The following DNAJC6 variants were observed in gnomAD, a reference collection of about 807,000 sequenced individuals.
The protein encoded by DNAJC6 is DnaJ heat shock protein family (Hsp40) member C6, also known as auxilin.
A neutral mutation model predicts 110.0 loss-of-function variants in DNAJC6; 34 were observed. The ratio of observed to expected loss-of-function variants is 0.31; its 90% CI spans 0.24 to 0.41. The LOEUF is 0.41. Ranked by LOEUF, DNAJC6 falls within the 10% of genes least tolerant of loss-of-function variation. The pLI, the probability that DNAJC6 is intolerant of heterozygous loss-of-function variation, is 1.00. For missense variants in DNAJC6, 1,031 were observed against 1,207.8 expected (o/e 0.85, Z 2.17); for synonymous variants, 406 against 437.2 (o/e 0.93, Z 0.89).
chr1:65,312,498 C>A (rs964886974), intron 1 of DNAJC6, among the ~76,000 whole-genome samples: 4 of 152,198 alleles, frequency 2.6e-5, no homozygotes, highest in Admixed American at 2.6e-4. Flanking sequence ...TGGCAGTAAT[C>A]TGCCCATTTA....
chr1:65,335,201 G>A (rs1645324138), intron 1 of DNAJC6, among the ~76,000 whole-genome samples: 1 of 151,804 alleles, frequency 6.6e-6, no homozygotes, highest in African/African-American at 2.4e-5. Flanking sequence ...TCCACCTCGC[G>A]GGTTCAAGAT....
At position 65,335,474 on chromosome 1, in the gene DNAJC6, C is replaced by T. The variant is rs912157905; in HGVS notation, c.193+25536C>T. On this transcript the variant is annotated intron_variant, in intron 1 of 18. Transcript: ENST00000371069. ...GATAGAGACAGAAAAAATAAAAACC[C>T]TCAAGATAAAAAGAGCCGTGAAGAA... 2.7e-4 allele frequency among the ~76,000 whole-genome samples: 41 copies of T among 151,978 alleles called. 1 individual carries two copies. In the South Asian group the frequency reaches 2.9e-3, roughly 11 times the overall value.
At chr1:65,408,943 AT>A (rs66951816) in intron 17 of DNAJC6, among the ~76,000 whole-genome samples, 160 bp downstream of exon 17, 5 of 150,822 alleles carry the variant, frequency 3.3e-5, no homozygotes, top group South Asian at 2.1e-4. Context: ...AAACAACAGG[AT>A]TTTTTTTTTC....
chr1:65,378,339 C>T (rs1341015960), intron 4 of DNAJC6, among the ~76,000 whole-genome samples: 1 of 152,074 alleles, frequency 6.6e-6, no homozygotes, highest in Non-Finnish European at 1.5e-5. Flanking sequence ...TGAAGGACTT[C>T]ATTTTTTTCA....
At chr1:65,397,810 TTTAAC>T (rs1256336655) in intron 13 of DNAJC6, among the ~76,000 whole-genome samples, 1 of 152,184 alleles carries the variant, frequency 6.6e-6, no homozygotes. Context: ...GCATATCCTT[TTTAAC>T]TTAATGATGG....
intron 1 of DNAJC6, among the ~76,000 whole-genome samples, chr1:65,278,033 A>G (rs564035619): frequency 9.2e-5 from 14 of 152,330 alleles, no homozygotes; most frequent in Non-Finnish European, 1.5e-4. Flanking sequence ...AGAAAAAAGT[A>G]TTTTTTAAAA....
At chr1:65,374,405 T>TC (rs1645739504) in intron 4 of DNAJC6, among the ~76,000 whole-genome samples, 1 of 152,330 alleles carries the variant, frequency 6.6e-6, no homozygotes, top group East Asian at 1.9e-4. Flanking sequence ...TTTCTTCTAA[T>TC]CCATGAGCAT....
chr1:65,277,361 A>G (rs1470940062), intron 1 of DNAJC6, among the ~76,000 whole-genome samples: 2 of 152,158 alleles, frequency 1.3e-5, no homozygotes, highest in Admixed American at 6.6e-5. Flanking sequence ...TGTGTACTAA[A>G]AGACTATAAT....
At chr1:65,371,659 T>G (rs1382979874) in intron 4 of DNAJC6, among the ~76,000 whole-genome samples, 1 of 152,152 alleles carries the variant, frequency 6.6e-6, no homozygotes, top group Admixed American at 6.6e-5. Flanking sequence ...CAAGGGATGA[T>G]GGAGAGATGA....
rs1645781589 is a variant in DNAJC6 at position 65,377,924 on chromosome 1, A to T, written c.544-1478A>T. ...TTCTGCAGAATTCCGTATCTCAGGA[A>T]ATAGCACTTCTTGTATCCTTCTATC... is the stretch of plus-strand genomic sequence containing the variant. On this transcript the variant is annotated intron_variant, in intron 4 of 18. Coordinates refer to ENST00000371069, the MANE Select transcript of DNAJC6 (RefSeq NM_001256864.2). 4.6e-5 allele frequency among the ~76,000 whole-genome samples: 7 copies of T among 152,222 alleles called. No individual in the cohort carries two copies. In the South Asian group the frequency reaches 1.5e-3, roughly 32 times the overall value.
chr1:65,317,548 G>T (rs10493374), intron 1 of DNAJC6, among the ~76,000 whole-genome samples: 18,334 of 152,202 alleles, frequency 0.12, 1,464 homozygotes, highest in East Asian at 0.27. Flanking sequence ...TAAAATGCGT[G>T]TAGTATTAAC....
At chr1:65,316,397 T>A (rs889995960) in intron 1 of DNAJC6, among the ~76,000 whole-genome samples, 1 of 152,226 alleles carries the variant, frequency 6.6e-6, no homozygotes, top group Non-Finnish European at 1.5e-5. Flanking sequence ...CTGCATGCAA[T>A]GGTCATTCTC....
chr1:65,363,968 C>T (rs1007663873), intron 1 of DNAJC6, among the ~76,000 whole-genome samples: 1 of 152,060 alleles, frequency 6.6e-6, no homozygotes, highest in Non-Finnish European at 1.5e-5. Context: ...TAGAAGTGAA[C>T]CAGTGCTTTA....
At chr1:65,325,828 C>A (rs922650106) in intron 1 of DNAJC6, among the ~76,000 whole-genome samples, 3 of 152,144 alleles carry the variant, frequency 2.0e-5, no homozygotes, top group Non-Finnish European at 4.4e-5. Flanking sequence ...TAGGCTATAG[C>A]CTATTGCTCC....
intron 18 of DNAJC6, 95 bp downstream of exon 18, chr1:65,411,521 C>T: frequency 1.7e-6 from 2 of 1,184,376 alleles, no homozygotes; most frequent in Non-Finnish European, 2.3e-6. Context: ...GTTCATATGG[C>T]CTATTTTTAA....
intron 1 of DNAJC6, among the ~76,000 whole-genome samples, chr1:65,345,057 G>C (rs1176721445): frequency 1.3e-5 from 2 of 152,168 alleles, no homozygotes; most frequent in Non-Finnish European, 2.9e-5. Context: ...AACAGACAGT[G>C]AGTGGGCTTT....
intron 4 of DNAJC6, among the ~76,000 whole-genome samples, chr1:65,374,304 T>TA (rs60815434): frequency 6.6e-6 from 1 of 152,072 alleles, no homozygotes; most frequent in Non-Finnish European, 1.5e-5. Context: ...GGTTTTTTTT[T>TA]ATTTCTGTGA....
Position 65,401,841 on chromosome 1 carries a change from C to T in DNAJC6, c.2188C>T (p.Pro730Ser), listed in dbSNP as rs970460912. Residue 730 changes from proline (P) to serine (S), a missense_variant, in exon 15 of 19, where the codon CCC (proline) becomes TCC (serine). Coordinates refer to ENST00000371069, the MANE Select transcript of DNAJC6 (RefSeq NM_001256864.2). ...SHGTPTHQSK[P>S]QTLDPFADLG... is the part of the protein sequence containing the mutation. ...TGGTACTCCCACCCATCAAAGCAAA[C>T]CCCAGACTCTGGATCCTTTTGCCGA... 2.5e-6 allele frequency: 4 copies of T among 1,613,808 alleles called. No homozygotes were observed. The highest frequency in any genetic ancestry group is 2.2e-5 in the East Asian group (1 of 44,842).
chr1:65,289,341 G>A (rs1302485179), intron 1 of DNAJC6, among the ~76,000 whole-genome samples: 6 of 152,076 alleles, frequency 3.9e-5, no homozygotes, highest in African/African-American at 1.2e-4. Flanking sequence ...GACTACAGGC[G>A]CGTGCCACCA....
Sources: gnomAD v4.1 joint callset for allele counts (sites outside exome capture counted in the v4.1 genomes callset) on GRCh38, gnomAD v4.1.1 for gene constraint, MANE v1.5 for transcripts, NCBI Gene and HGNC (gene_info 2026-07-23, HGNC 2026-07-21) for gene names.